SNX1: variants seen among roughly 807,000 people sequenced by gnomAD.
SNX1 encodes the protein sorting nexin-1.
In SNX1, 36 loss-of-function variants were observed where a neutral mutation model predicts 71.8. That is an observed-to-expected ratio of 0.50 (90% CI 0.38 to 0.66). The LOEUF is 0.66. Among genes scored for constraint, SNX1 ranks in the 30% least tolerant of loss-of-function variants. SNX1 has a pLI of 0.00. For synonymous variants in SNX1, 254 were observed against 240.7 expected (o/e 1.06, Z -0.51); for missense variants, 612 against 646.7 (o/e 0.95, Z 0.58).
chr15:64,126,358 C>T (rs567091062), intron 6 of SNX1, 138 bp downstream of exon 6: 252 of 984,436 alleles, frequency 2.6e-4, no homozygotes, highest in Non-Finnish European at 3.4e-4. Flanking sequence ...TGTTTTCCTA[C>T]ACTGGAGGTC....
At chr15:64,124,637 G>A (rs779318633) in intron 5 of SNX1, among the ~76,000 whole-genome samples, 1 of 151,716 alleles carries the variant, frequency 6.6e-6, no homozygotes, top group Non-Finnish European at 1.5e-5. Flanking sequence ...ATGTTTTCCT[G>A]TTGTGAACAT....
intron 8 of SNX1, among the ~76,000 whole-genome samples, chr15:64,128,326 C>T (rs923831736): frequency 6.6e-6 from 1 of 152,070 alleles, no homozygotes; most frequent in Non-Finnish European, 1.5e-5. Flanking sequence ...TCATCATAAA[C>T]AAAGTATACA....
intron 5 of SNX1, among the ~76,000 whole-genome samples, chr15:64,124,140 A>G (rs1163016740): frequency 7.9e-6 from 1 of 127,314 alleles, no homozygotes; most frequent in Non-Finnish European, 1.6e-5. Context: ...TTTATAAGAA[A>G]TCTTTACATA....
chr15:64,107,271 AG>A lies in SNX1; in HGVS notation c.160-5301del, dbSNP rs1328120641. On this transcript the variant is annotated intron_variant, in intron 1 of 14. Coordinates refer to ENST00000559844, the MANE Select transcript of SNX1 (RefSeq NM_003099.5). ...TGGATTTGACCTCTAAATACAGTTA[AG>A]TTTTAACAGTACCTACGTTTTTGAG... is the stretch of plus-strand genomic sequence containing the variant. Among the ~76,000 whole-genome samples the A allele has an allele frequency of 2.0e-5, 3 of 152,224 alleles. No individual in the cohort carries two copies. The East Asian group carries it at 5.8e-4, about 29-fold the overall frequency.
At chr15:64,137,474 G>A in intron 14 of SNX1, 94 bp from the exon 15 acceptor site, 1 of 1,402,996 alleles carries the variant, frequency 7.1e-7, no homozygotes, top group Non-Finnish European at 9.9e-7. Flanking sequence ...AGGCGCTTGG[G>A]GAGCGCCAGG....
chr15:64,106,002 G>C (rs1450747600), intron 1 of SNX1, among the ~76,000 whole-genome samples: 1 of 151,934 alleles, frequency 6.6e-6, no homozygotes, highest in African/African-American at 2.4e-5. Flanking sequence ...AAAATATGAA[G>C]GAAACCAATT....
intron 5 of SNX1, among the ~76,000 whole-genome samples, chr15:64,125,667 G>T (rs2081243421): frequency 6.6e-6 from 1 of 151,990 alleles, no homozygotes; most frequent in Admixed American, 6.6e-5. Flanking sequence ...GTCAATAAAA[G>T]ATGAATGGGT....
chr15:64,119,926 C>G (rs984713198), intron 4 of SNX1, among the ~76,000 whole-genome samples: 1 of 152,064 alleles, frequency 6.6e-6, no homozygotes, highest in East Asian at 1.9e-4. Context: ...TTTTGATAAC[C>G]TTATGAGGTG....
At chr15:64,119,866 G>A (rs1423673517) in intron 4 of SNX1, among the ~76,000 whole-genome samples, 1 of 152,090 alleles carries the variant, frequency 6.6e-6, no homozygotes, top group African/African-American at 2.4e-5. Context: ...GAGGGACACT[G>A]AACTTATTTT....
intron 1 of SNX1, among the ~76,000 whole-genome samples, chr15:64,106,708 G>A (rs979207758): frequency 1.8e-4 from 27 of 152,204 alleles, no homozygotes; most frequent in African/African-American, 6.5e-4. Context: ...CGATATGGAA[G>A]AGACGCAAAG....
Position 64,118,845 on chromosome 15 carries a change from GAGA to G in SNX1, c.461_463del (p.Lys154del). 1 of 1,612,184 alleles carries G rather than the reference GAGA, an allele frequency of 6.2e-7. No homozygotes were observed. The highest frequency in any genetic ancestry group is 1.1e-5 in the South Asian group (1 of 90,962). ...TTTGACAGTCGGTATAACTGATCCTGAGAAGATAGGTAAGTGGTTCTTAGGACT... is the reference window on the plus strand; with the variant it reads ...TTTGACAGTCGGTATAACTGATCCTGAGATAGGTAAGTGGTTCTTAGGACT... On this transcript the variant is annotated inframe_deletion, in exon 4 of 15. Coordinates refer to ENST00000559844, the MANE Select transcript of SNX1 (RefSeq NM_003099.5).
rs74266544 is a variant in SNX1, at chr15:64,129,247, CAA to C, written c.808-656_808-655del. Among the ~76,000 whole-genome samples, 15 of 123,006 alleles carry C rather than the reference CAA, an allele frequency of 1.2e-4. No homozygotes were observed. The highest frequency in any genetic ancestry group is 1.4e-4 in the Non-Finnish European group (8 of 57,208). 80.7% of individuals were successfully genotyped at this position (123,006 alleles called of 152,430 possible). On this transcript the variant is annotated intron_variant, in intron 8 of 14. Coordinates refer to ENST00000559844, the MANE Select transcript of SNX1 (RefSeq NM_003099.5). This position sits in a 1 kb window ranked among gnomAD's most constrained non-coding sequence, Gnocchi z 4.4. ...GGGCGACAAGAGCAAGACTCCGTCTCAAAAAAAAAAAAAAGAACTACTGCCAT... is the reference window on the plus strand; with the variant it reads ...GGGCGACAAGAGCAAGACTCCGTCTCAAAAAAAAAAAAGAACTACTGCCAT...
intron 1 of SNX1, among the ~76,000 whole-genome samples, chr15:64,109,818 G>C (rs1187900075): frequency 6.6e-6 from 1 of 152,196 alleles, no homozygotes; most frequent in East Asian, 1.9e-4. Flanking sequence ...TTACAGATGT[G>C]AGCAACTGCA....
At chr15:64,104,569 G>A (rs970101723) in intron 1 of SNX1, among the ~76,000 whole-genome samples, 28 of 149,676 alleles carry the variant, frequency 1.9e-4, no homozygotes, top group African/African-American at 3.2e-4. Context: ...CACTGCGCCC[G>A]GCCCAGGGAG....
chr15:64,099,377 G>A (rs994591454), intron 1 of SNX1, among the ~76,000 whole-genome samples: 1 of 152,160 alleles, frequency 6.6e-6, no homozygotes, highest in African/African-American at 2.4e-5. Flanking sequence ...GAGGGCATGA[G>A]CTGTATTTGT....
At position 64,142,079 on chromosome 15, in the gene SNX1, C is replaced by G. The variant is rs7176896; in HGVS notation, c.*4461C>G. ...CTGGGCCAGGCACAGTGGCTTATGC[C>G]TGTATTCCTAGCATTTTGGGAGGCC... On this transcript the variant is annotated 3_prime_UTR_variant, in exon 15 of 15. Transcript: ENST00000559844. 11,320 of 153,662 alleles carry G rather than the reference C, an allele frequency of 0.074. 1,313 individuals carry two copies. Among genetic ancestry groups the G allele is most frequent in the African/African-American group, 0.25 (10,354 of 41,518 alleles). 9.5% of individuals were successfully genotyped at this position (153,662 alleles called of 1,614,324 possible).
At chr15:64,099,143 T>A (rs143368687) in intron 1 of SNX1, among the ~76,000 whole-genome samples, 1 of 152,166 alleles carries the variant, frequency 6.6e-6, no homozygotes, top group South Asian at 2.1e-4. Flanking sequence ...AATTAAGTAA[T>A]TAAGAGTGTG....
At chr15:64,122,996 C>T (rs530241276) in intron 4 of SNX1, among the ~76,000 whole-genome samples, 65 of 152,256 alleles carry the variant, frequency 4.3e-4, no homozygotes, top group African/African-American at 9.1e-4. Context: ...GTGTCCCCCC[C>T]GGCACCAATG....
Position 64,131,503 on chromosome 15 carries a change from C to G in SNX1, c.1016-184C>G, listed in dbSNP as rs1475003764. On this transcript the variant is annotated intron_variant, in intron 10 of 14. Coordinates refer to ENST00000559844, the MANE Select transcript of SNX1 (RefSeq NM_003099.5). ...GTGCCTCTCCCTCCTGCTCCTGTGACCAGGCCACATTCTCTTTACTCTCTG... is the reference window on the plus strand; with the variant it reads ...GTGCCTCTCCCTCCTGCTCCTGTGAGCAGGCCACATTCTCTTTACTCTCTG... 3 of 609,078 alleles carry G rather than the reference C, an allele frequency of 4.9e-6. No homozygotes were observed. In the African/African-American group the frequency reaches 5.5e-5, roughly 11 times the overall value. 37.7% of individuals were successfully genotyped at this position (609,078 alleles called of 1,614,324 possible).
Sources: gnomAD v4.1 joint callset for allele counts (sites outside exome capture counted in the v4.1 genomes callset) on GRCh38, gnomAD v4.1.1 for gene constraint, Gnocchi (gnomAD v3.1) non-coding constraint, MANE v1.5 for transcripts, NCBI Gene and HGNC (gene_info 2026-07-23, HGNC 2026-07-21) for gene names.